CNTNAP2: variants seen among roughly 807,000 people sequenced by gnomAD.
CNTNAP2 encodes the protein contactin-associated protein-like 2.
A neutral mutation model predicts 155.2 loss-of-function variants in CNTNAP2; 98 were observed. The ratio of observed to expected loss-of-function variants is 0.63; its 90% CI spans 0.54 to 0.75. The LOEUF (loss-of-function observed/expected upper bound fraction) is 0.75. CNTNAP2 is among the 30% of genes least tolerant of loss of function. CNTNAP2 has a pLI of 0.00. For synonymous variants in CNTNAP2, 651 were observed against 631.2 expected (o/e 1.03, Z -0.47); for missense variants, 1,727 against 1,688.1 (o/e 1.02, Z -0.40).
At chr7:147,747,112 A>G (rs1797056604) in intron 13 of CNTNAP2, among the ~76,000 whole-genome samples, 1 of 152,158 alleles carries the variant, frequency 6.6e-6, no homozygotes, top group Non-Finnish European at 1.5e-5. Context: ...TGTTAATTCT[A>G]TCCACATGAA....
chr7:147,080,678 A>G (rs1273414128), intron 4 of CNTNAP2, among the ~76,000 whole-genome samples: 1 of 147,346 alleles, frequency 6.8e-6, no homozygotes. Flanking sequence ...CATATATATA[A>G]CATATATATC....
chr7:146,974,952 A>T (rs1301143041), intron 3 of CNTNAP2, among the ~76,000 whole-genome samples: 1 of 152,192 alleles, frequency 6.6e-6, no homozygotes. Flanking sequence ...TGTCTGGGTG[A>T]CAGAGAGAGA....
At chr7:147,314,553 A>G (rs1795191075) in intron 9 of CNTNAP2, among the ~76,000 whole-genome samples, 1 of 151,174 alleles carries the variant, frequency 6.6e-6, no homozygotes, top group Admixed American at 6.6e-5. Flanking sequence ...ATCAGTATGC[A>G]AATATAAAAT....
intron 8 of CNTNAP2, among the ~76,000 whole-genome samples, chr7:147,186,205 G>T (rs947930947): frequency 7.2e-5 from 11 of 152,126 alleles, no homozygotes; most frequent in African/African-American, 2.4e-4. Flanking sequence ...CAATCTTAAT[G>T]CTTACACTAA....
chr7:146,380,592 A>G (rs1303307286), intron 1 of CNTNAP2, among the ~76,000 whole-genome samples: 4 of 152,012 alleles, frequency 2.6e-5, no homozygotes, highest in Admixed American at 6.6e-5. Context: ...GGTGTATTAA[A>G]TGTACCAAAA....
At chr7:146,417,878 A>ACC (rs1795959516) in intron 1 of CNTNAP2, among the ~76,000 whole-genome samples, 1 of 152,134 alleles carries the variant, frequency 6.6e-6, no homozygotes, top group South Asian at 2.1e-4. Flanking sequence ...CATTCATTTA[A>ACC]CATATATATG....
intron 8 of CNTNAP2, 96 bp downstream of exon 8, chr7:147,132,605 A>T: frequency 6.7e-7 from 1 of 1,493,062 alleles, no homozygotes; most frequent in Non-Finnish European, 9.3e-7. Context: ...TTACACGCTC[A>T]GGATTAGGTT....
intron 11 of CNTNAP2, among the ~76,000 whole-genome samples, chr7:147,497,321 AG>A (rs1458471901): frequency 1.3e-5 from 2 of 152,196 alleles, no homozygotes; most frequent in East Asian, 1.9e-4. Context: ...TACTCTTGAA[AG>A]CCCATTCTTG....
chr7:146,900,894 G>A (rs924669598), intron 3 of CNTNAP2, among the ~76,000 whole-genome samples: 2 of 152,064 alleles, frequency 1.3e-5, no homozygotes, highest in East Asian at 1.9e-4. Context: ...TGTCCCTAGT[G>A]GACACGTAAT....
chr7:146,388,251 C>T (rs1795489014), intron 1 of CNTNAP2, among the ~76,000 whole-genome samples: 1 of 151,648 alleles, frequency 6.6e-6, no homozygotes, highest in Non-Finnish European at 1.5e-5. Flanking sequence ...GGCAACATGG[C>T]AAAACCCTGT....
rs142039503 is a variant in CNTNAP2, at chr7:147,688,429, A to G, written c.2098+49123A>G. 2.3e-3 allele frequency among the ~76,000 whole-genome samples: 356 copies of G among 152,198 alleles called. 3 individuals are homozygous for G. The highest frequency in any genetic ancestry group is 5.6e-3 in the South Asian group (27 of 4,818). On this transcript the variant is annotated intron_variant, in intron 13 of 23. Coordinates refer to ENST00000361727, the MANE Select transcript of CNTNAP2 (RefSeq NM_014141.6). The stretch of plus-strand genomic sequence containing the variant: ...TAACTTCACATTTCCACCCCTACTT[A>G]TCTCTCCCACACTTGAGCCTCACAG...
chr7:147,090,370 T>C (rs1458470258), intron 4 of CNTNAP2, among the ~76,000 whole-genome samples: 3 of 150,558 alleles, frequency 2.0e-5, no homozygotes, highest in Non-Finnish European at 4.4e-5. Context: ...CTCTGGTATT[T>C]ACAACAAGGG....
At chr7:146,841,355 G>A (rs1472088860) in intron 3 of CNTNAP2, among the ~76,000 whole-genome samples, 5 of 151,160 alleles carry the variant, frequency 3.3e-5, no homozygotes, top group Admixed American at 2.0e-4. Flanking sequence ...AGGGGAAGAC[G>A]GAGGAGTAAG....
chr7:147,824,274 C>T (rs1024581365), intron 13 of CNTNAP2, among the ~76,000 whole-genome samples: 1 of 152,132 alleles, frequency 6.6e-6, no homozygotes, highest in African/African-American at 2.4e-5. Context: ...TTTCTTCCTT[C>T]CTTGTCTTCT....
At chr7:147,405,343 T>G (rs1019485752) in intron 10 of CNTNAP2, among the ~76,000 whole-genome samples, 1 of 152,218 alleles carries the variant, frequency 6.6e-6, no homozygotes, top group Non-Finnish European at 1.5e-5. Context: ...CTTAAAATAA[T>G]TGTTTTTGTC....
intron 3 of CNTNAP2, among the ~76,000 whole-genome samples, chr7:147,009,954 T>C (rs570238120): frequency 6.6e-6 from 1 of 151,918 alleles, no homozygotes; most frequent in East Asian, 1.9e-4. Flanking sequence ...GGAGCAACAA[T>C]GCTCCAGTAT....
intron 1 of CNTNAP2, among the ~76,000 whole-genome samples, chr7:146,706,701 G>A (rs1182857503): frequency 6.6e-6 from 1 of 152,078 alleles, no homozygotes. Context: ...TCACTTATAA[G>A]TGGGAGCTCA....
chr7:146,668,624 G>T (rs979845878), intron 1 of CNTNAP2, among the ~76,000 whole-genome samples: 2 of 152,044 alleles, frequency 1.3e-5, no homozygotes, highest in Non-Finnish European at 2.9e-5. Flanking sequence ...AAGCCATCCA[G>T]TTAAGTACTT....
chr7:146,354,549 G>A (rs1379963404), intron 1 of CNTNAP2, among the ~76,000 whole-genome samples: 1 of 151,862 alleles, frequency 6.6e-6, no homozygotes, highest in Non-Finnish European at 1.5e-5. Flanking sequence ...CTAGTAGCTG[G>A]GATTACAGGC....
Sources: allele counts gnomAD v4.1 joint callset (sites outside exome capture counted in the v4.1 genomes callset), GRCh38; gene constraint gnomAD v4.1.1; transcripts MANE v1.5; gene names NCBI Gene and HGNC (gene_info 2026-07-23, HGNC 2026-07-21).